IQUB: variants seen among roughly 807,000 people sequenced by gnomAD.
IQUB encodes the protein IQ motif and ubiquitin domain containing.
IQUB carries 86 observed loss-of-function variants against 86.4 expected under a neutral mutation model. The ratio of observed to expected loss-of-function variants is 1.00; its 90% confidence interval spans 0.84 to 1.19. The LOEUF is 1.19. Among genes scored for constraint, IQUB ranks in the 50% most tolerant of loss-of-function variants. IQUB has a pLI of 0.00. For synonymous variants in IQUB, 289 were observed against 304.5 expected (o/e 0.95, Z 0.53); for missense variants, 946 against 916.9 (o/e 1.03, Z -0.41).
intron 11 of IQUB, among the ~76,000 whole-genome samples, chr7:123,459,503 T>C (rs1793885599): frequency 6.6e-6 from 1 of 152,112 alleles, no homozygotes; most frequent in African/African-American, 2.4e-5. Flanking sequence ...GCCATTGAAT[T>C]GAGACACTGG....
chr7:123,475,546 G>C (rs1392966963), intron 8 of IQUB, among the ~76,000 whole-genome samples: 1 of 152,126 alleles, frequency 6.6e-6, no homozygotes, highest in African/African-American at 2.4e-5. Flanking sequence ...AATGTTTACA[G>C]ACAATGCTAG....
At chr7:123,469,789 C>T (rs1794442938) in intron 8 of IQUB, among the ~76,000 whole-genome samples, 1 of 152,070 alleles carries the variant, frequency 6.6e-6, no homozygotes, top group Admixed American at 6.5e-5. Context: ...GTAATTATGA[C>T]AATCCTCAAT....
intron 1 of IQUB, among the ~76,000 whole-genome samples, chr7:123,522,057 T>C (rs1236209992): frequency 6.6e-6 from 1 of 152,112 alleles, no homozygotes; most frequent in Non-Finnish European, 1.5e-5. Flanking sequence ...TCCCTACATG[T>C]TCCTGTGGGT....
intron 7 of IQUB, among the ~76,000 whole-genome samples, chr7:123,480,808 C>T (rs1040412141): frequency 2.0e-5 from 3 of 152,040 alleles, no homozygotes; most frequent in Non-Finnish European, 4.4e-5. Flanking sequence ...AAAGTAATTG[C>T]ATTTACTGTT....
At chr7:123,512,800 T>C (rs1796481589) in intron 1 of IQUB, among the ~76,000 whole-genome samples, 1 of 152,168 alleles carries the variant, frequency 6.6e-6, no homozygotes, top group Non-Finnish European at 1.5e-5. Context: ...TTACAAATTG[T>C]AGCAGAGGTC....
intron 1 of IQUB, among the ~76,000 whole-genome samples, chr7:123,530,010 C>T (rs189965913): frequency 6.6e-6 from 1 of 151,744 alleles, no homozygotes; most frequent in Non-Finnish European, 1.5e-5. Flanking sequence ...TCCAGCCTGG[C>T]GACAGAGCCA....
At chr7:123,498,081 A>C (rs1795783257) in intron 6 of IQUB, among the ~76,000 whole-genome samples, 1 of 151,944 alleles carries the variant, frequency 6.6e-6, no homozygotes, top group African/African-American at 2.4e-5. Context: ...ATGAAAAAAA[A>C]AAAGCCCCCT....
chr7:123,492,241 A>G (rs1199698534), intron 7 of IQUB, among the ~76,000 whole-genome samples: 1 of 152,246 alleles, frequency 6.6e-6, no homozygotes, highest in East Asian at 1.9e-4. Flanking sequence ...CGAACTTAAC[A>G]AAGATACAAA....
In IQUB at chr7:123,459,096, T is replaced by C. The variant is rs1213018136; in HGVS notation, c.2008-1530A>G. ...CCAATTACAAGGGGGGGGAAGCTAC[T>C]GGACACTCATATTTGTCTGCTAATC... On this transcript the variant is annotated intron_variant, in intron 11 of 12. Transcript: ENST00000324698. Among the ~76,000 whole-genome samples the C allele has an allele frequency of 2.0e-5, 3 of 152,080 alleles. No individual in the cohort carries two copies. In the East Asian group the frequency reaches 5.8e-4, roughly 29 times the overall value.
chr7:123,477,464 G>T (rs574421995), intron 8 of IQUB, among the ~76,000 whole-genome samples: 2 of 152,116 alleles, frequency 1.3e-5, no homozygotes, highest in South Asian at 4.1e-4. Context: ...AGACTTAAAC[G>T]TTAGACCTAA....
intron 12 of IQUB, chr7:123,457,127 T>C: frequency 1.0e-6 from 1 of 963,330 alleles, no homozygotes; most frequent in Non-Finnish European, 1.2e-6. Context: ...TACCGTGGAA[T>C]GTGCTTAAAC....
In IQUB at chr7:123,479,899, C is replaced by T. The variant is rs1264930923; in HGVS notation, c.1306G>A (p.Glu436Lys). ...ATCTGAGTCTCTTTTTCCAGAAGTT[C>T]ACACAGAGCAGCTTTCCTTTCAGCT... ...TGAERKAALC[E>K]LLEKETQIIA... The change falls in exon 8 of 13, where the codon GAA becomes AAA. Residue 436 changes from glutamate to lysine, a missense_variant. Transcript: ENST00000324698. 6.2e-7 allele frequency: 1 copy of T among 1,613,004 alleles called. No homozygotes were observed. Among genetic ancestry groups the T allele is most frequent in the Non-Finnish European group, 8.5e-7 (1 of 1,179,342 alleles).
intron 7 of IQUB, among the ~76,000 whole-genome samples, chr7:123,484,636 A>G (rs1408533755): frequency 6.6e-6 from 1 of 152,114 alleles, no homozygotes; most frequent in Admixed American, 6.6e-5. Context: ...CTCAAAAAAA[A>G]TCAAAGAATA....
chr7:123,520,495 T>A (rs77254085), intron 1 of IQUB, among the ~76,000 whole-genome samples: 1 of 152,110 alleles, frequency 6.6e-6, no homozygotes, highest in African/African-American at 2.4e-5. Context: ...GGAATGCCTC[T>A]CTGGTTGAAA....
chr7:123,498,479 AT>A (rs1466186498), intron 6 of IQUB, among the ~76,000 whole-genome samples: 7 of 152,192 alleles, frequency 4.6e-5, no homozygotes, highest in Non-Finnish European at 1.0e-4. Context: ...CAAAAATTTT[AT>A]TTTTGAAATT....
intron 1 of IQUB, chr7:123,532,854 C>T (rs1400474087): frequency 6.6e-5 from 10 of 152,328 alleles, no homozygotes; most frequent in Non-Finnish European, 1.3e-4. Context: ...GGTCGGAAGC[C>T]GTGCCATGTA....
intron 7 of IQUB, among the ~76,000 whole-genome samples, chr7:123,484,610 T>C (rs1337665596): frequency 6.6e-6 from 1 of 152,100 alleles, no homozygotes; most frequent in East Asian, 1.9e-4. Context: ...AGCACTAAGT[T>C]ATTATTTTAG....
At chr7:123,524,007 T>C (rs1223210011) in intron 1 of IQUB, among the ~76,000 whole-genome samples, 1 of 151,158 alleles carries the variant, frequency 6.6e-6, no homozygotes, top group Non-Finnish European at 1.5e-5. Context: ...AAAGATCAGA[T>C]AGTTGTAGAT....
At position 123,489,296 on chromosome 7, in the gene IQUB, G is replaced by A. The variant is rs562142161; in HGVS notation, c.1234+7400C>T. Among the ~76,000 whole-genome samples the A allele has an allele frequency of 1.3e-3, 196 of 152,214 alleles. 1 individual carries two copies. Among genetic ancestry groups the A allele is most frequent in the Middle Eastern group, 3.4e-3 (1 of 294 alleles). ...TTGATATAACAGAGAACCATGGTAAGAACTCATACTCCCTGGAATAGAATA... is the reference window on the plus strand; with the variant it reads ...TTGATATAACAGAGAACCATGGTAAAAACTCATACTCCCTGGAATAGAATA... On this transcript the variant is annotated intron_variant, in intron 7 of 12. Coordinates refer to ENST00000324698, the MANE Select transcript of IQUB (RefSeq NM_178827.5).
Sources: allele counts gnomAD v4.1 joint callset (sites outside exome capture counted in the v4.1 genomes callset), GRCh38; gene constraint gnomAD v4.1.1; transcripts MANE v1.5; gene names NCBI Gene and HGNC (gene_info 2026-07-23, HGNC 2026-07-21).